Variants in RDH10 observed in about 807,000 individuals in gnomAD.
RDH10 encodes retinol dehydrogenase 10, also known as retinol dehydrogenase 10 (all-trans).
A neutral mutation model predicts 30.2 loss-of-function variants in RDH10; 12 were observed. The observed-to-expected ratio is 0.40, with a 90% CI of 0.25 to 0.64. The LOEUF (loss-of-function observed/expected upper bound fraction) is 0.64, where lower values mean the gene tolerates loss of function less well. RDH10 is among the 30% of genes least tolerant of loss of function. The pLI, the probability that RDH10 is intolerant of heterozygous loss-of-function variation, is 0.43. For missense variants in RDH10, 268 were observed against 445.2 expected, an observed-to-expected ratio of 0.60 and a Z score of 3.58; for synonymous variants, 189 against 172.2, an observed-to-expected ratio of 1.10 and a Z score of -0.76.
Position 73,323,683 on chromosome 8 carries a change from C to T in RDH10, c.*647C>T, listed in dbSNP as rs374256769. The T allele has an allele frequency of 1.0e-4, 14 of 139,152 alleles. No homozygotes were observed. Among genetic ancestry groups the T allele is most frequent in the African/African-American group, 3.7e-4 (14 of 37,628 alleles). 8.6% of individuals were successfully genotyped at this position (139,152 alleles called of 1,614,324 possible). On this transcript the variant is annotated 3_prime_UTR_variant, in exon 6 of 6. Coordinates refer to ENST00000240285, the MANE Select transcript of RDH10 (RefSeq NM_172037.5). ...TTTTTTTTTTTTTTTGATGGAGTCT[C>T]GCTCTGTCACCAGGCTGGAGTGCAG...
At chr8:73,322,233 C>T (rs986897328) in intron 4 of RDH10, 7 of 331,364 alleles carry the variant, frequency 2.1e-5, no homozygotes, top group African/African-American at 8.6e-5. Flanking sequence ...TTCCCTCTTC[C>T]GGCATCCTGG....
chr8:73,319,914 A>G (rs1814736024), intron 3 of RDH10, among the ~76,000 whole-genome samples: 1 of 152,220 alleles, frequency 6.6e-6, no homozygotes, highest in Non-Finnish European at 1.5e-5. Context: ...ATGTTGTTCT[A>G]TCCTGTTTGT....
Position 73,308,090 on chromosome 8 carries a change from A to C in RDH10, c.525+10661A>C, listed in dbSNP as rs551492282. The stretch of plus-strand genomic sequence containing the variant: ...TTCCTTCTTTCTCTTCCTAGTTTGC[A>C]TATCAGCATTGACAAATTAGACACA... On this transcript the variant is annotated intron_variant, in intron 2 of 5. Coordinates refer to ENST00000240285, the MANE Select transcript of RDH10 (RefSeq NM_172037.5). Among the ~76,000 whole-genome samples, 10 of 152,264 alleles carry C rather than the reference A, an allele frequency of 6.6e-5. No homozygotes were observed. In the East Asian group the frequency reaches 1.4e-3, roughly 21 times the overall value.
chr8:73,310,387 C>G (rs539368758), intron 2 of RDH10, among the ~76,000 whole-genome samples: 53 of 152,034 alleles, frequency 3.5e-4, no homozygotes, highest in Non-Finnish European at 5.9e-4. Flanking sequence ...AACTAGAAAG[C>G]AGGGAAGAAT....
chr8:73,321,984 T>G (rs755151783), intron 4 of RDH10: 2 of 455,928 alleles, frequency 4.4e-6, no homozygotes, highest in South Asian at 1.5e-5. Context: ...TGGTGGTTTG[T>G]TTTGTTTTGT....
intron 1 of RDH10, 149 bp from the exon 2 acceptor site, chr8:73,297,044 CG>C: frequency 1.6e-6 from 1 of 626,064 alleles, no homozygotes; most frequent in Non-Finnish European, 2.9e-6. Context: ...AAAGCTCAGT[CG>C]TTGGCAAGCC....
At chr8:73,305,558 A>G (rs1305966495) in intron 2 of RDH10, among the ~76,000 whole-genome samples, 1 of 152,208 alleles carries the variant, frequency 6.6e-6, no homozygotes, top group Non-Finnish European at 1.5e-5. Flanking sequence ...TGCAGATGAC[A>G]TGCTATGTTT....
At chr8:73,317,491 A>G (rs939594657) in intron 2 of RDH10, among the ~76,000 whole-genome samples, 17 of 152,174 alleles carry the variant, frequency 1.1e-4, no homozygotes, top group Admixed American at 1.1e-3. Context: ...GTGGGGTACT[A>G]CATGATGACT....
At chr8:73,301,346 G>A (rs112772938) in intron 2 of RDH10, among the ~76,000 whole-genome samples, 5 of 150,818 alleles carry the variant, frequency 3.3e-5, no homozygotes, top group South Asian at 2.1e-4. Flanking sequence ...CACCGCGCCC[G>A]GCCAAAACTC....
At position 73,294,848 on chromosome 8, in the gene RDH10, G is replaced by A; in HGVS notation, c.-442G>A. ...AACTCCCGCGGCAGCCCGCTGGCCC[G>A]TGCCGCCTCCGCTGCGCACCCCTCC... is the stretch of plus-strand genomic sequence containing the variant. On this transcript the variant is annotated 5_prime_UTR_variant, in exon 1 of 6. It adds an upstream start codon to the 5' untranslated region. Coordinates refer to ENST00000240285, the MANE Select transcript of RDH10 (RefSeq NM_172037.5). The A allele has an allele frequency of 2.6e-6, 1 of 388,852 alleles. No homozygotes were observed. The highest frequency in any genetic ancestry group is 4.5e-5 in the Admixed American group (1 of 22,394). The allele number at this position is 388,852 out of a possible 1,614,324, so 24.1% of individuals were successfully genotyped here.
At chr8:73,322,606 T>G in intron 4 of RDH10, 73 bp from the exon 5 acceptor site, 1 of 1,220,120 alleles carries the variant, frequency 8.2e-7, no homozygotes, top group Non-Finnish European at 1.2e-6. Flanking sequence ...TCACTGTTAA[T>G]GTTTTGATAT....
chr8:73,295,030 G>T lies in RDH10; in HGVS notation c.-260G>T. 2.8e-6 allele frequency: 1 copy of T among 355,414 alleles called. No homozygotes were observed. The highest frequency in any genetic ancestry group is 5.0e-6 in the Non-Finnish European group (1 of 198,700). The allele number at this position is 355,414 out of a possible 1,614,324, so 22.0% of individuals were successfully genotyped here. On this transcript the variant is annotated 5_prime_UTR_variant, in exon 1 of 6. Coordinates refer to ENST00000240285, the MANE Select transcript of RDH10 (RefSeq NM_172037.5). ...CTGCGGGACGGGCGGGCGGCTGCCG[G>T]CAGGAGGCGCCGAGCCGGGTGACTG...
At chr8:73,319,222 G>T (rs367994173) in intron 3 of RDH10, 28 bp downstream of exon 3, 3 of 1,467,774 alleles carry the variant, frequency 2.0e-6, no homozygotes, top group South Asian at 2.3e-5. Context: ...CATTTCTTTC[G>T]TTCAATCTGT....
At chr8:73,322,008 A>G (rs898513719) in intron 4 of RDH10, 5 of 455,982 alleles carry the variant, frequency 1.1e-5, no homozygotes, top group Non-Finnish European at 2.2e-5. Context: ...CCTCTTATGT[A>G]CTTGGGAAGC....
chr8:73,301,042 CTTTTTTTTTTTT>C (rs57107587), intron 2 of RDH10, among the ~76,000 whole-genome samples: 3 of 87,238 alleles, frequency 3.4e-5, no homozygotes, highest in South Asian at 4.3e-4. Flanking sequence ...AAACTCTATT[CTTTTTTTTTTTT>C]TTTTTTTTTT....
intron 2 of RDH10, among the ~76,000 whole-genome samples, chr8:73,302,234 A>G (rs1277383067): frequency 6.6e-6 from 1 of 152,196 alleles, no homozygotes; most frequent in African/African-American, 2.4e-5. Flanking sequence ...GTCAAGACTT[A>G]GTGATAGATT....
intron 2 of RDH10, chr8:73,311,058 T>A (rs1315001095): frequency 6.6e-6 from 1 of 152,180 alleles, no homozygotes; most frequent in Non-Finnish European, 1.5e-5. Flanking sequence ...CCTTATTGAG[T>A]CATTTACGAG....
intron 3 of RDH10, 82 bp downstream of exon 3, chr8:73,319,276 C>G: frequency 2.2e-6 from 2 of 912,418 alleles, no homozygotes; most frequent in South Asian, 2.9e-5. Context: ...AGAGCACCTG[C>G]TGCCCCTCCA....
chr8:73,314,925 C>T (rs1814632769), intron 2 of RDH10, among the ~76,000 whole-genome samples: 1 of 152,158 alleles, frequency 6.6e-6, no homozygotes, highest in Non-Finnish European at 1.5e-5. Flanking sequence ...TTAAACTGAA[C>T]ATTGACTCAC....
Sources: allele counts gnomAD v4.1 joint callset (sites outside exome capture counted in the v4.1 genomes callset), GRCh38; gene constraint gnomAD v4.1.1; transcripts MANE v1.5; gene names NCBI Gene and HGNC (gene_info 2026-07-23, HGNC 2026-07-21).